The following RALYL variants were observed in gnomAD, a reference collection of about 807,000 sequenced individuals.
The protein encoded by RALYL is RALY RNA binding protein like.
In RALYL, 29 loss-of-function variants were observed where a neutral mutation model predicts 35.1. That is an observed-to-expected ratio of 0.83 (90% CI 0.61 to 1.13). The LOEUF is 1.13. RALYL is among the 50% of genes most tolerant of loss of function. RALYL has a pLI of 0.00. For missense variants in RALYL, 359 were observed against 360.4 expected, an observed-to-expected ratio of 1.00 and a Z score of 0.03; for synonymous variants, 120 against 127.6, an observed-to-expected ratio of 0.94 and a Z score of 0.40.
intron 2 of RALYL, among the ~76,000 whole-genome samples, chr8:84,666,456 T>C (rs974890652): frequency 6.6e-6 from 1 of 152,022 alleles, no homozygotes; most frequent in Non-Finnish European, 1.5e-5. Flanking sequence ...TCTGTACTTA[T>C]GGGAGGTTAA....
chr8:84,730,431 C>G (rs1296863072), intron 2 of RALYL, among the ~76,000 whole-genome samples: 1 of 152,102 alleles, frequency 6.6e-6, no homozygotes, highest in Non-Finnish European at 1.5e-5. Context: ...CAATATCATA[C>G]TGAATGGGCA....
chr8:84,742,260 G>A (rs1265314795), intron 2 of RALYL, among the ~76,000 whole-genome samples: 1 of 151,814 alleles, frequency 6.6e-6, no homozygotes, highest in Non-Finnish European at 1.5e-5. Flanking sequence ...AAAATTTTCT[G>A]CCAACAAGAA....
chr8:84,688,646 C>CT (rs1438907663), intron 2 of RALYL, among the ~76,000 whole-genome samples: 4 of 151,992 alleles, frequency 2.6e-5, no homozygotes, highest in Admixed American at 6.6e-5. Context: ...AGGGAAAAAG[C>CT]TTTTTTTACA....
chr8:84,724,844 G>A (rs1157498501), intron 2 of RALYL, among the ~76,000 whole-genome samples: 1 of 151,592 alleles, frequency 6.6e-6, no homozygotes, highest in Non-Finnish European at 1.5e-5. Context: ...TAAATACTAA[G>A]TATATATACT....
chr8:84,801,649 A>C (rs1336818854), intron 3 of RALYL, among the ~76,000 whole-genome samples: 1 of 152,220 alleles, frequency 6.6e-6, no homozygotes, highest in African/African-American at 2.4e-5. Context: ...TCTGGTATAG[A>C]TATATAATGC....
intron 2 of RALYL, among the ~76,000 whole-genome samples, chr8:84,756,723 T>C (rs1375493492): frequency 6.6e-6 from 1 of 152,102 alleles, no homozygotes; most frequent in Non-Finnish European, 1.5e-5. Flanking sequence ...TCATGATTTA[T>C]TATCCAAACT....
chr8:84,827,286 A>G (rs1054123616), intron 4 of RALYL, among the ~76,000 whole-genome samples: 2 of 152,138 alleles, frequency 1.3e-5, no homozygotes, highest in Non-Finnish European at 2.9e-5. Context: ...ATATCCTAAA[A>G]CTGAAAGATA....
At chr8:84,373,938 G>A (rs1856428900) in intron 1 of RALYL, among the ~76,000 whole-genome samples, 2 of 151,854 alleles carry the variant, frequency 1.3e-5, no homozygotes, top group Admixed American at 1.3e-4. Flanking sequence ...CTAGTTAGCT[G>A]TATCCTAGCT....
At chr8:84,266,895 G>C (rs1362031520) in intron 1 of RALYL, among the ~76,000 whole-genome samples, 4 of 148,748 alleles carry the variant, frequency 2.7e-5, no homozygotes, top group African/African-American at 7.5e-5. Flanking sequence ...GGGAGGCGGA[G>C]CTTGCAGTGA....
chr8:84,835,749 G>A (rs2134462774), intron 4 of RALYL, among the ~76,000 whole-genome samples: 1 of 151,666 alleles, frequency 6.6e-6, no homozygotes, highest in South Asian at 2.1e-4. Context: ...TATGTTGATG[G>A]ATGGAGAGTA....
intron 2 of RALYL, among the ~76,000 whole-genome samples, chr8:84,684,167 G>A (rs1411793700): frequency 6.6e-6 from 1 of 152,154 alleles, no homozygotes; most frequent in African/African-American, 2.4e-5. Context: ...CTTTTCATTG[G>A]AATCCTAACT....
intron 1 of RALYL, among the ~76,000 whole-genome samples, chr8:84,358,622 T>C (rs1459253632): frequency 1.3e-5 from 2 of 152,040 alleles, no homozygotes; most frequent in Non-Finnish European, 2.9e-5. Context: ...AGAATACTGA[T>C]ATGAAATTAC....
At chr8:84,528,621 T>C (rs1454936184) in intron 1 of RALYL, among the ~76,000 whole-genome samples, 2 of 152,238 alleles carry the variant, frequency 1.3e-5, no homozygotes, top group African/African-American at 4.8e-5. Context: ...CTGGCTCTTA[T>C]GTTTTGTTTT....
intron 2 of RALYL, among the ~76,000 whole-genome samples, chr8:84,617,558 T>G (rs1166342850): frequency 1.3e-5 from 2 of 150,132 alleles, no homozygotes; most frequent in Admixed American, 6.6e-5. Context: ...TTTGACTTCC[T>G]CTTTTCCTAA....
intron 3 of RALYL, among the ~76,000 whole-genome samples, chr8:84,792,945 C>A (rs952755489): frequency 2.6e-5 from 4 of 152,146 alleles, no homozygotes; most frequent in African/African-American, 7.2e-5. Flanking sequence ...GGGGAAGAAA[C>A]TGATGATAGC....
intron 1 of RALYL, among the ~76,000 whole-genome samples, chr8:84,280,718 A>G (rs1404497209): frequency 1.3e-5 from 2 of 150,816 alleles, no homozygotes; most frequent in African/African-American, 4.9e-5. Flanking sequence ...AACAAAGTAC[A>G]TATATGTCTC....
chr8:84,367,334 T>TTG (rs1563800191), intron 1 of RALYL, among the ~76,000 whole-genome samples: 2 of 40,620 alleles, frequency 4.9e-5, no homozygotes, highest in Non-Finnish European at 8.6e-5. Flanking sequence ...TTTTTTTTTT[T>TTG]TTTTTTTTTT....
intron 4 of RALYL, among the ~76,000 whole-genome samples, chr8:84,818,242 C>G (rs917374627): frequency 6.6e-6 from 1 of 152,080 alleles, no homozygotes; most frequent in Non-Finnish European, 1.5e-5. Flanking sequence ...ATAATAGGAA[C>G]ATGAAAGAGG....
intron 4 of RALYL, among the ~76,000 whole-genome samples, chr8:84,844,537 C>T (rs180753895): frequency 1.6e-3 from 245 of 152,284 alleles, no homozygotes; most frequent in African/African-American, 5.7e-3. Context: ...TAAACTAGTT[C>T]GACCATTGTG....
Sources: allele counts gnomAD v4.1 joint callset (sites outside exome capture counted in the v4.1 genomes callset), GRCh38; gene constraint gnomAD v4.1.1; transcripts MANE v1.5; gene names NCBI Gene and HGNC (gene_info 2026-07-23, HGNC 2026-07-21).